CDH9: variants seen among roughly 807,000 people sequenced by gnomAD.
CDH9 encodes cadherin-9.
A neutral mutation model predicts 70.9 loss-of-function variants in CDH9; 28 were observed. The observed-to-expected ratio is 0.40, with a 90% CI of 0.29 to 0.54. CDH9 has a LOEUF of 0.54. Among genes scored for constraint, CDH9 ranks in the 20% least tolerant of loss-of-function variants. CDH9 has a pLI of 0.59. For synonymous variants in CDH9, 409 were observed against 343.1 expected (o/e 1.19, Z -2.12); for missense variants, 874 against 984.4 (o/e 0.89, Z 1.50).
intron 2 of CDH9, among the ~76,000 whole-genome samples, chr5:26,916,411 A>G (rs1741150220): frequency 1.3e-5 from 2 of 151,934 alleles, no homozygotes; most frequent in Admixed American, 1.3e-4. Flanking sequence ...GTATCCCCTT[A>G]TCTGTGGGGG....
In CDH9 at chr5:26,881,545, T is replaced by C; in HGVS notation, c.1961A>G (p.Asp654Gly). The change falls in exon 12 of 12, where the codon GAC becomes GGC. Residue 654 changes from aspartate (D) to glycine (G), a missense_variant. Physicochemically the swap from Asp to Gly is moderately conservative, Grantham distance 94. Coordinates refer to ENST00000231021, the MANE Select transcript of CDH9 (RefSeq NM_016279.4). ...TTCATCGTTGTAGGTCACAATGTTG[T>C]CCCGGACATCGTCTTTTGAAATTAT... The part of the protein sequence containing the change: ...PLIISKDDVR[D>G]NIVTYNDEGG... 1.2e-6 allele frequency: 2 copies of C among 1,613,686 alleles called. No individual in the cohort carries two copies. The highest frequency in any genetic ancestry group is 1.7e-6 in the Non-Finnish European group (2 of 1,179,742).
intron 6 of CDH9, chr5:26,903,249 A>G (rs1740887287): frequency 6.3e-6 from 2 of 318,990 alleles, no homozygotes; most frequent in South Asian, 2.8e-5. Flanking sequence ...CGAGGCAACC[A>G]ATGGAAAACA....
At chr5:26,901,238 C>T (rs569158747) in intron 7 of CDH9, among the ~76,000 whole-genome samples, 4 of 151,950 alleles carry the variant, frequency 2.6e-5, no homozygotes, top group Non-Finnish European at 4.4e-5. Context: ...ATAACAAGTA[C>T]ATAATTTGAT....
chr5:26,929,118 A>G (rs942089793), intron 2 of CDH9, among the ~76,000 whole-genome samples: 7 of 152,048 alleles, frequency 4.6e-5, no homozygotes, highest in Non-Finnish European at 1.5e-5. Flanking sequence ...CTGAATATAT[A>G]ATGAGCTCAA....
At chr5:27,030,351 T>A (rs1743291126) in intron 1 of CDH9, among the ~76,000 whole-genome samples, 1 of 151,730 alleles carries the variant, frequency 6.6e-6, no homozygotes, top group South Asian at 2.1e-4. Flanking sequence ...AAAGCCACTT[T>A]TTTTTTAGCA....
Position 26,902,649 on chromosome 5 carries a change from G to T in CDH9, c.1080C>A (p.His360Gln). The T allele has an allele frequency of 6.3e-7, 1 of 1,591,858 alleles. No homozygotes were observed. Among genetic ancestry groups the T allele is most frequent in the South Asian group, 1.1e-5 (1 of 90,634 alleles). ...SNTHPDPRFL[H>Q]LGPFKDTAVV... ...CAGCTGTATCTTTGAAAGGTCCCAG[G>T]TGTAAGAATCGTGGATCAGGGTGAG... is the stretch of plus-strand genomic sequence containing the variant. The change falls in exon 7 of 12, where the codon CAC (histidine) becomes CAA (glutamine). Residue 360 changes from histidine to glutamine, a missense_variant. His to Gln is a conservative substitution (Grantham distance 24). Transcript: ENST00000231021.
rs1740459347 is a variant in CDH9, at chr5:26,881,337, G to A, written c.2169C>T (p.Asn723=). 1.9e-6 allele frequency: 3 copies of A among 1,613,088 alleles called. No homozygotes were observed. Among genetic ancestry groups the A allele is most frequent in the Non-Finnish European group, 2.5e-6 (3 of 1,179,332 alleles). ...ATGGAGGTGCACTTGGGTCTGCGTC[G>A]TTTTCTTTTAATCTTCGATGGATAA... ...QDFIHRRLKE[N]DADPSAPPYD... The change falls in exon 12 of 12, where the codon AAC becomes AAT. Residue 723 remains asparagine, a synonymous_variant. Transcript: ENST00000231021.
chr5:27,022,495 A>G (rs1383112885), intron 1 of CDH9, among the ~76,000 whole-genome samples: 1 of 152,120 alleles, frequency 6.6e-6, no homozygotes. Flanking sequence ...ATAAACATAT[A>G]TAACGAGTTC....
chr5:26,923,079 A>AC (rs913040588), intron 2 of CDH9, among the ~76,000 whole-genome samples: 10 of 140,668 alleles, frequency 7.1e-5, no homozygotes, highest in African/African-American at 2.1e-4. Flanking sequence ...TAAAAAAAAA[A>AC]AAAAAAACAC....
At chr5:27,006,261 A>T (rs1742864220) in intron 1 of CDH9, among the ~76,000 whole-genome samples, 1 of 152,180 alleles carries the variant, frequency 6.6e-6, no homozygotes, top group Non-Finnish European at 1.5e-5. Flanking sequence ...ATCATTTATT[A>T]TTAGATTTAC....
rs1036200451 is a variant in CDH9, at chr5:26,881,481, G to T, written c.2025C>A (p.Gly675=). The T allele has an allele frequency of 1.2e-6, 2 of 1,613,564 alleles. No homozygotes were observed. The highest frequency in any genetic ancestry group is 1.7e-5 in the Admixed American group (1 of 59,928). Residue 675 remains glycine, a synonymous_variant, in exon 12 of 12, where the codon GGC becomes GGA. Transcript: ENST00000231021. Reference sequence around the variant, plus strand: ...CTCTTGCCTCTGGATTCCTTAATGTGCCAATGTCAAAAGCTTGGGTATCTT... The same window carrying T: ...CTCTTGCCTCTGGATTCCTTAATGTTCCAATGTCAAAAGCTTGGGTATCTT... ...GEEDTQAFDI[G]TLRNPEARED... is the part of the protein sequence containing the mutation.
rs999713336 is a variant in CDH9, at chr5:26,994,570, T to G, written c.-49-6188A>C. Among the ~76,000 whole-genome samples, 8 of 150,256 alleles carry G rather than the reference T, an allele frequency of 5.3e-5. 1 individual carries two copies. In the East Asian group the frequency reaches 1.5e-3, roughly 29 times the overall value. ...TTGTTTGTTTGTTTGTTTGTTTTGT[T>G]TTTTTTTGCTCTTGGCTATGTGAAG... On this transcript the variant is annotated intron_variant, in intron 1 of 11. Coordinates refer to ENST00000231021, the MANE Select transcript of CDH9 (RefSeq NM_016279.4).
At chr5:27,015,428 T>C (rs145288138) in intron 1 of CDH9, among the ~76,000 whole-genome samples, 140 of 151,986 alleles carry the variant, frequency 9.2e-4, no homozygotes, top group Middle Eastern at 3.4e-3. Context: ...AGAAACCTCA[T>C]TTAACTCTGC....
chr5:26,987,874 A>G (rs1171178784), intron 2 of CDH9, among the ~76,000 whole-genome samples: 1 of 152,132 alleles, frequency 6.6e-6, no homozygotes, highest in Non-Finnish European at 1.5e-5. Context: ...ATAATGAATC[A>G]CATCCATCCA....
chr5:26,913,489 T>C (rs914691727), intron 3 of CDH9, among the ~76,000 whole-genome samples: 4 of 152,164 alleles, frequency 2.6e-5, no homozygotes, highest in African/African-American at 9.7e-5. Context: ...TGCCTGCTAC[T>C]ATATCCTTGT....
At chr5:26,898,890 T>C (rs560050116) in intron 7 of CDH9, among the ~76,000 whole-genome samples, 7 of 152,112 alleles carry the variant, frequency 4.6e-5, no homozygotes, top group African/African-American at 1.7e-4. Flanking sequence ...AGGCAAACTA[T>C]AGAATGGGAG....
At chr5:26,924,541 A>T (rs1016132785) in intron 2 of CDH9, among the ~76,000 whole-genome samples, 3 of 148,382 alleles carry the variant, frequency 2.0e-5, no homozygotes, top group African/African-American at 7.5e-5. Flanking sequence ...TATATATATA[A>T]AATAAGTATT....
intron 1 of CDH9, among the ~76,000 whole-genome samples, chr5:26,997,546 C>A (rs908029426): frequency 2.0e-5 from 3 of 152,026 alleles, no homozygotes. Flanking sequence ...TGAACATATA[C>A]CTTATGAGCA....
At chr5:26,913,434 A>T (rs1169664430) in intron 3 of CDH9, among the ~76,000 whole-genome samples, 1 of 152,106 alleles carries the variant, frequency 6.6e-6, no homozygotes, top group Non-Finnish European at 1.5e-5. Flanking sequence ...GTATTCTTAA[A>T]TCTTTATTTT....
Sources: allele counts gnomAD v4.1 joint callset (sites outside exome capture counted in the v4.1 genomes callset), GRCh38; gene constraint gnomAD v4.1.1; transcripts MANE v1.5; gene names NCBI Gene and HGNC (gene_info 2026-07-23, HGNC 2026-07-21).